CTNND2: variants seen among roughly 807,000 people sequenced by gnomAD.
The protein encoded by CTNND2 is catenin delta 2.
Under a neutral mutation model 144.4 loss-of-function variants are expected in CTNND2, and 22 were observed. The ratio of observed to expected loss-of-function variants is 0.15; its 90% CI spans 0.11 to 0.22. CTNND2 has a LOEUF of 0.22. Among genes scored for constraint, CTNND2 ranks in the 10% least tolerant of loss-of-function variants. The probability of loss-of-function intolerance (pLI) is 1.00; values close to 1 mark genes in which losing one functional copy is unlikely to be tolerated. For missense variants in CTNND2, 1,353 were observed against 1,618.8 expected, an observed-to-expected ratio of 0.84 and a Z score of 2.82; for synonymous variants, 751 against 695.6, an observed-to-expected ratio of 1.08 and a Z score of -1.25.
At chr5:11,643,365 C>A (rs1455832443) in intron 2 of CTNND2, among the ~76,000 whole-genome samples, 2 of 146,130 alleles carry the variant, frequency 1.4e-5, no homozygotes, top group African/African-American at 5.2e-5. Context: ...AGGTATATCT[C>A]CTAATGCTAT....
At chr5:10,981,712 C>A (rs374159285) in intron 21 of CTNND2, 61 bp downstream of exon 21, 2 of 1,455,526 alleles carry the variant, frequency 1.4e-6, no homozygotes, top group African/African-American at 2.8e-5. Context: ...GTTTAAAATT[C>A]CAGGTTATTT....
At chr5:11,625,104 T>G (rs1415243231) in intron 2 of CTNND2, among the ~76,000 whole-genome samples, 1 of 152,066 alleles carries the variant, frequency 6.6e-6, no homozygotes, top group Non-Finnish European at 1.5e-5. Flanking sequence ...CAGAGCACAA[T>G]AGCAGATAAA....
intron 1 of CTNND2, among the ~76,000 whole-genome samples, chr5:11,868,222 T>C (rs1194003615): frequency 6.6e-6 from 1 of 151,988 alleles, no homozygotes; most frequent in Non-Finnish European, 1.5e-5. Flanking sequence ...AACTAAGACC[T>C]GCGGCTGGAC....
At chr5:11,644,056 T>C (rs1393805110) in intron 2 of CTNND2, among the ~76,000 whole-genome samples, 1 of 152,218 alleles carries the variant, frequency 6.6e-6, no homozygotes, top group African/African-American at 2.4e-5. Context: ...ATTTCTTAAA[T>C]ATTTAGTGCA....
rs553191566 is a variant in CTNND2 at position 11,696,424 on chromosome 5, G to A, written c.174+35712C>T. Reference sequence around the variant, plus strand: ...GCAGACCACTAGTTCAAGCCCCACTGCAGATTCAGTCAACTGCCCTAATGA... The same window carrying A: ...GCAGACCACTAGTTCAAGCCCCACTACAGATTCAGTCAACTGCCCTAATGA... On this transcript the variant is annotated intron_variant, in intron 2 of 21. Transcript: ENST00000304623. Among the ~76,000 whole-genome samples the A allele has an allele frequency of 2.4e-4, 36 of 152,312 alleles. 1 individual carries two copies. Among genetic ancestry groups the A allele is most frequent in the African/African-American group, 7.2e-4 (30 of 41,568 alleles).
At chr5:11,473,133 C>T (rs764549913) in intron 3 of CTNND2, among the ~76,000 whole-genome samples, 3 of 152,126 alleles carry the variant, frequency 2.0e-5, no homozygotes, top group Non-Finnish European at 4.4e-5. Context: ...AAATACAAAT[C>T]GGATTGGCAG....
intron 10 of CTNND2, among the ~76,000 whole-genome samples, chr5:11,201,244 C>T (rs754983682): frequency 1.3e-5 from 2 of 152,144 alleles, no homozygotes; most frequent in Non-Finnish European, 2.9e-5. Context: ...CAGTGCAATG[C>T]CAGACACCTC....
intron 9 of CTNND2, among the ~76,000 whole-genome samples, chr5:11,331,473 T>C (rs1416269708): frequency 1.3e-5 from 2 of 152,214 alleles, no homozygotes; most frequent in Admixed American, 6.5e-5. Flanking sequence ...TTACTAAGGG[T>C]AATTTTTAAT....
Position 11,398,031 on chromosome 5 carries a change from T to C in CTNND2, c.440-828A>G, listed in dbSNP as rs61749781. Among the ~76,000 whole-genome samples the C allele has an allele frequency of 3.0e-3, 458 of 152,308 alleles. 1 individual carries two copies. Among genetic ancestry groups the C allele is most frequent in the Middle Eastern group, 0.014 (4 of 294 alleles). ...ACTCTCTTTAGGGATCAAATAAATA[T>C]GGAGGAGAGTAAATGTACTTGTTAT... On this transcript the variant is annotated intron_variant, in intron 5 of 21. Transcript: ENST00000304623.
At chr5:11,402,054 C>T (rs749215614) in intron 5 of CTNND2, among the ~76,000 whole-genome samples, 3 of 152,148 alleles carry the variant, frequency 2.0e-5, no homozygotes, top group Non-Finnish European at 4.4e-5. Flanking sequence ...TTTCTTTCAA[C>T]AACCTGCAAG....
At chr5:11,541,926 G>A (rs1393628822) in intron 3 of CTNND2, among the ~76,000 whole-genome samples, 1 of 143,422 alleles carries the variant, frequency 7.0e-6, no homozygotes, top group East Asian at 2.1e-4. Flanking sequence ...CAGATAATCT[G>A]TTTTCATACT....
intron 9 of CTNND2, among the ~76,000 whole-genome samples, chr5:11,315,877 T>C (rs2150059724): frequency 6.6e-6 from 1 of 152,306 alleles, no homozygotes; most frequent in East Asian, 1.9e-4. Flanking sequence ...TTTGGAATAC[T>C]CTGATGTCTT....
chr5:11,014,597 G>A lies in CTNND2; in HGVS notation c.3084+3377C>T, dbSNP rs539205325. On this transcript the variant is annotated intron_variant, in intron 18 of 21. Transcript: ENST00000304623. ...AAGCTTCACAAAAGTCAAAGGTTCCGATGATACAAATATGCTTTGGTTCCA... is the reference window on the plus strand; with the variant it reads ...AAGCTTCACAAAAGTCAAAGGTTCCAATGATACAAATATGCTTTGGTTCCA... 3.3e-5 allele frequency among the ~76,000 whole-genome samples: 5 copies of A among 152,238 alleles called. No individual in the cohort carries two copies. The East Asian group carries it at 5.8e-4, about 18-fold the overall frequency.
At chr5:11,325,240 A>G (rs545956951) in intron 9 of CTNND2, among the ~76,000 whole-genome samples, 2 of 152,216 alleles carry the variant, frequency 1.3e-5, no homozygotes, top group African/African-American at 4.8e-5. Context: ...AATAAATCCT[A>G]TATAGATCAA....
intron 3 of CTNND2, among the ~76,000 whole-genome samples, chr5:11,529,564 A>C (rs531058294): frequency 2.9e-4 from 44 of 152,370 alleles, no homozygotes; most frequent in African/African-American, 1.1e-3. Flanking sequence ...ATGGGAAGAT[A>C]ATCAAATAAA....
At chr5:10,992,032 C>T (rs760346576) in intron 19 of CTNND2, among the ~76,000 whole-genome samples, 4 of 152,238 alleles carry the variant, frequency 2.6e-5, no homozygotes, top group Non-Finnish European at 4.4e-5. Flanking sequence ...ATTCTCCTGC[C>T]TCAGCCTCCC....
intron 9 of CTNND2, among the ~76,000 whole-genome samples, chr5:11,298,654 G>T (rs1749261560): frequency 6.6e-6 from 1 of 152,094 alleles, no homozygotes; most frequent in Non-Finnish European, 1.5e-5. Context: ...GGTTTCTGAT[G>T]ACTGCATCTA....
intron 3 of CTNND2, among the ~76,000 whole-genome samples, chr5:11,474,632 C>T (rs1032779596): frequency 2.0e-5 from 3 of 152,114 alleles, no homozygotes; most frequent in Admixed American, 6.5e-5. Context: ...TTAGGGATAG[C>T]AACAGCCATG....
At chr5:11,355,780 G>T (rs1755807439) in intron 8 of CTNND2, among the ~76,000 whole-genome samples, 1 of 152,024 alleles carries the variant, frequency 6.6e-6, no homozygotes, top group African/African-American at 2.4e-5. Context: ...TAAATGGGCA[G>T]CCCTAAAGAC....
Sources: allele counts gnomAD v4.1 joint callset (sites outside exome capture counted in the v4.1 genomes callset), GRCh38; gene constraint gnomAD v4.1.1; transcripts MANE v1.5; gene names NCBI Gene and HGNC (gene_info 2026-07-23, HGNC 2026-07-21).